The following NPAS3 variants were observed in gnomAD, a reference collection of about 807,000 sequenced individuals.
The protein encoded by NPAS3 is neuronal PAS domain-containing protein 3.
Under a neutral mutation model 73.1 loss-of-function variants are expected in NPAS3, and 14 were observed. The ratio of observed to expected loss-of-function variants is 0.19; its 90% CI spans 0.13 to 0.30. The LOEUF is 0.30. Among genes scored for constraint, NPAS3 ranks in the 10% least tolerant of loss-of-function variants. The pLI, the probability that NPAS3 is intolerant of heterozygous loss-of-function variation, is 1.00. For synonymous variants in NPAS3, 620 were observed against 541.5 expected (o/e 1.14, Z -2.01); for missense variants, 1,096 against 1,250.0 (o/e 0.88, Z 1.86).
chr14:33,451,789 C>T (rs1281612877), intron 4 of NPAS3, among the ~76,000 whole-genome samples: 1 of 152,090 alleles, frequency 6.6e-6, no homozygotes, highest in East Asian at 1.9e-4. Context: ...CTCCTTAAGG[C>T]TACTCAGAAT....
intron 3 of NPAS3, among the ~76,000 whole-genome samples, chr14:33,317,675 A>G (rs2140223266): frequency 6.6e-6 from 1 of 152,088 alleles, no homozygotes; most frequent in African/African-American, 2.4e-5. Context: ...CTGTGTGAAG[A>G]AGGATGTATT....
intron 1 of NPAS3, among the ~76,000 whole-genome samples, chr14:32,995,809 T>C (rs1003774289): frequency 7.2e-5 from 11 of 152,312 alleles, no homozygotes; most frequent in Admixed American, 6.5e-4. Flanking sequence ...TTGTAAATTG[T>C]CCAGTCGGGT....
At chr14:33,670,869 C>T (rs1432354054) in intron 5 of NPAS3, among the ~76,000 whole-genome samples, 1 of 151,932 alleles carries the variant, frequency 6.6e-6, no homozygotes, top group Admixed American at 6.6e-5. Context: ...TGCAGAAGGA[C>T]TCCTGAGAAA....
intron 2 of NPAS3, among the ~76,000 whole-genome samples, chr14:33,211,866 T>G (rs2047051919): frequency 1.3e-5 from 2 of 152,176 alleles, no homozygotes. Context: ...CAAATCTAAG[T>G]GCAAGAACAT....
intron 4 of NPAS3, among the ~76,000 whole-genome samples, chr14:33,513,935 T>A (rs1213284268): frequency 6.6e-6 from 1 of 152,048 alleles, no homozygotes; most frequent in East Asian, 1.9e-4. Flanking sequence ...AAGACTTGCA[T>A]GCCCAGGCTT....
chr14:33,371,325 T>C (rs1314285564), intron 4 of NPAS3, among the ~76,000 whole-genome samples: 2 of 152,116 alleles, frequency 1.3e-5, no homozygotes, highest in Non-Finnish European at 2.9e-5. Context: ...AGGAGAAGAA[T>C]CTGAGTGTTC....
chr14:33,197,108 A>G (rs949151894), intron 2 of NPAS3, among the ~76,000 whole-genome samples: 8 of 152,332 alleles, frequency 5.3e-5, no homozygotes, highest in African/African-American at 1.4e-4. Flanking sequence ...GGATTTTACA[A>G]TGTCATCAGA....
chr14:33,335,627 A>G (rs1484231454), intron 3 of NPAS3, among the ~76,000 whole-genome samples: 1 of 152,152 alleles, frequency 6.6e-6, no homozygotes, highest in Non-Finnish European at 1.5e-5. Context: ...AGTTTGCATC[A>G]TACTGCTAAG....
At chr14:33,632,438 C>CTGAGT (rs1233548146) in intron 5 of NPAS3, among the ~76,000 whole-genome samples, 11 of 152,176 alleles carry the variant, frequency 7.2e-5, no homozygotes, top group Non-Finnish European at 1.3e-4. Context: ...AACAGACACT[C>CTGAGT]AGAGCACACT....
chr14:33,570,874 C>A (rs1004424200), intron 5 of NPAS3, among the ~76,000 whole-genome samples: 1 of 152,118 alleles, frequency 6.6e-6, no homozygotes, highest in African/African-American at 2.4e-5. Flanking sequence ...GATTAGCAAG[C>A]TGAAGGGAAA....
rs72678834 is a variant in NPAS3 at position 33,223,847 on chromosome 14, A to T, written c.385+8421A>T. On this transcript the variant is annotated intron_variant, in intron 3 of 11. Transcript: ENST00000356141. ...TCAAAAATGTATGGCAAAAAAAAAA[A>T]TTTTTTTTTGTTTGTATTTTCAATA... is the stretch of plus-strand genomic sequence containing the variant. Among the ~76,000 whole-genome samples, 273 of 133,940 alleles carry T rather than the reference A, an allele frequency of 2.0e-3. 3 individuals carry two copies. Among genetic ancestry groups the T allele is most frequent in the Admixed American group, 8.5e-3 (113 of 13,270 alleles). 87.9% of individuals were successfully genotyped at this position (133,940 alleles called of 152,430 possible).
At chr14:33,103,459 A>G (rs1305452133) in intron 2 of NPAS3, among the ~76,000 whole-genome samples, 1 of 152,144 alleles carries the variant, frequency 6.6e-6, no homozygotes, top group Non-Finnish European at 1.5e-5. Context: ...TATTCTACAT[A>G]TTTAGGCTTT....
intron 4 of NPAS3, among the ~76,000 whole-genome samples, chr14:33,482,515 G>A (rs769041868): frequency 5.9e-5 from 9 of 152,124 alleles, no homozygotes; most frequent in African/African-American, 2.2e-4. Flanking sequence ...TTGAAACGTG[G>A]TGGAGATAGG....
intron 1 of NPAS3, among the ~76,000 whole-genome samples, chr14:32,986,391 A>G (rs1415220316): frequency 6.6e-6 from 1 of 152,186 alleles, no homozygotes; most frequent in Non-Finnish European, 1.5e-5. Flanking sequence ...CCAAGGAACC[A>G]TGGACATTTT....
intron 3 of NPAS3, among the ~76,000 whole-genome samples, chr14:33,309,725 C>T (rs1324312546): frequency 6.6e-6 from 1 of 152,116 alleles, no homozygotes; most frequent in African/African-American, 2.4e-5. Context: ...ATGTTTATTG[C>T]TTAATTTTTA....
intron 5 of NPAS3, among the ~76,000 whole-genome samples, chr14:33,664,063 C>A (rs2059385308): frequency 6.6e-6 from 1 of 151,848 alleles, no homozygotes; most frequent in Admixed American, 6.6e-5. Flanking sequence ...ATAGCCAAGA[C>A]AATCCTAAGC....
intron 2 of NPAS3, among the ~76,000 whole-genome samples, chr14:33,148,057 T>C (rs1241331098): frequency 6.6e-6 from 1 of 152,030 alleles, no homozygotes; most frequent in Non-Finnish European, 1.5e-5. Context: ...GAGGGAAAGT[T>C]CACCTTTTAT....
intron 3 of NPAS3, among the ~76,000 whole-genome samples, chr14:33,221,565 T>C (rs1056245303): frequency 7.2e-5 from 11 of 152,106 alleles, no homozygotes; most frequent in African/African-American, 2.2e-4. Context: ...AGTTTGAGGT[T>C]ACAATGAGCT....
chr14:33,252,947 C>A (rs925236775), intron 3 of NPAS3, among the ~76,000 whole-genome samples: 7 of 152,052 alleles, frequency 4.6e-5, no homozygotes, highest in African/African-American at 1.7e-4. Flanking sequence ...CCAGCTCCAT[C>A]CGTGTTGCTG....
Sources: gnomAD v4.1 joint callset for allele counts (sites outside exome capture counted in the v4.1 genomes callset) on GRCh38, gnomAD v4.1.1 for gene constraint, MANE v1.5 for transcripts, NCBI Gene and HGNC (gene_info 2026-07-23, HGNC 2026-07-21) for gene names.